PHF21B: variants seen among roughly 807,000 people sequenced by gnomAD.
The protein encoded by PHF21B is PHD finger protein 21B.
In PHF21B, 22 loss-of-function variants were observed where a neutral mutation model predicts 62.2. The ratio of observed to expected loss-of-function variants is 0.35; its 90% confidence interval spans 0.25 to 0.51. The LOEUF is 0.51. PHF21B is among the 20% of genes least tolerant of loss of function. PHF21B has a pLI of 0.97. For synonymous variants in PHF21B, 341 were observed against 314.7 expected, an observed-to-expected ratio of 1.08 and a Z score of -0.88; for missense variants, 701 against 707.9, an observed-to-expected ratio of 0.99 and a Z score of 0.11.
intron 2 of PHF21B, among the ~76,000 whole-genome samples, chr22:44,990,317 T>C (rs1237116898): frequency 6.6e-6 from 1 of 152,204 alleles, no homozygotes; most frequent in African/African-American, 2.4e-5. Flanking sequence ...TCTGCATAGA[T>C]ACCCAAATGA....
chr22:44,999,474 G>C (rs749952788), intron 2 of PHF21B, among the ~76,000 whole-genome samples: 3 of 151,996 alleles, frequency 2.0e-5, no homozygotes, highest in Non-Finnish European at 2.9e-5. Context: ...CCAGGCTCCC[G>C]GGAGATGCAG....
At chr22:44,891,836 G>A (rs2070971123) in intron 7 of PHF21B, among the ~76,000 whole-genome samples, 1 of 152,208 alleles carries the variant, frequency 6.6e-6, no homozygotes, top group African/African-American at 2.4e-5. Flanking sequence ...CAGAAGAGCG[G>A]CCTTAGTCCT....
chr22:44,883,136 A>G lies in PHF21B; in HGVS notation c.1546T>C (p.Ser516Pro), dbSNP rs776353739. The change falls in exon 13 of 13, where the codon TCA becomes CCA. Residue 516 changes from serine (S) to proline (P), a missense_variant. By Grantham distance (74) the Ser-to-Pro change is moderately conservative. Transcript: ENST00000313237. ...PLLAGPWTKP[S>P]VAATHPTVQH... ...ACGGTGGGGTGTGTGGCTGCCACTGAGGGCTTGGTCCAGGGCCCGGCCAGC... is the reference window on the plus strand; with the variant it reads ...ACGGTGGGGTGTGTGGCTGCCACTGGGGGCTTGGTCCAGGGCCCGGCCAGC... 8 of 1,612,622 alleles carry G rather than the reference A, an allele frequency of 5.0e-6. No homozygotes were observed. The highest frequency in any genetic ancestry group is 5.9e-6 in the Non-Finnish European group (7 of 1,179,896).
rs1315925503 is a variant in PHF21B, at chr22:44,913,929, G to T, written c.724C>A (p.Pro242Thr). 8 of 1,613,750 alleles carry T rather than the reference G, an allele frequency of 5.0e-6. No individual in the cohort carries two copies. The highest frequency in any genetic ancestry group is 2.2e-5 in the South Asian group (2 of 91,030). The change falls in exon 5 of 13, where the codon CCC becomes ACC. Residue 242 changes from proline to threonine, a missense_variant. Physicochemically the swap from Pro to Thr is conservative, Grantham distance 38. Coordinates refer to ENST00000313237, the MANE Select transcript of PHF21B (RefSeq NM_138415.5). ...IIIQPQVQTQ[P>T]ESTAESRPPT... is the part of the protein sequence containing the mutation. ...GGCCGCGACTCTGCCGTGCTCTCGG[G>T]CTGCGTCTGCACTTGAGGCTGAATG...
At chr22:44,960,399 C>T (rs932675824) in intron 2 of PHF21B, among the ~76,000 whole-genome samples, 1 of 152,186 alleles carries the variant, frequency 6.6e-6, no homozygotes, top group African/African-American at 2.4e-5. Flanking sequence ...CAAAGCCCCC[C>T]ACTCCTGTCC....
chr22:44,974,338 C>T (rs542977988), intron 2 of PHF21B, among the ~76,000 whole-genome samples: 1 of 151,594 alleles, frequency 6.6e-6, no homozygotes, highest in South Asian at 2.1e-4. Context: ...CACTTGAGGC[C>T]AGGAGGTTGA....
At chr22:44,946,409 AG>A (rs1202748786) in intron 2 of PHF21B, among the ~76,000 whole-genome samples, 1 of 152,142 alleles carries the variant, frequency 6.6e-6, no homozygotes, top group Non-Finnish European at 1.5e-5. Context: ...CGTAGGGAGT[AG>A]GTCATGTCTC....
At chr22:44,884,210 C>T (rs370818250) in intron 12 of PHF21B, among the ~76,000 whole-genome samples, 5,021 of 142,344 alleles carry the variant, frequency 0.035, 218 homozygotes, top group Middle Eastern at 0.066. Context: ...CGATCACCAA[C>T]GTCACCACCA....
chr22:45,006,288 C>T (rs995243862), intron 2 of PHF21B, among the ~76,000 whole-genome samples: 1 of 152,204 alleles, frequency 6.6e-6, no homozygotes, highest in African/African-American at 2.4e-5. Flanking sequence ...TGGCTGCTTA[C>T]CCAATGTTGT....
intron 9 of PHF21B, 57 bp downstream of exon 9, chr22:44,889,703 T>C: frequency 1.3e-6 from 2 of 1,559,994 alleles, no homozygotes; most frequent in Admixed American, 1.9e-5. Context: ...CTATGAGGAC[T>C]GTACTGAAAA....
At chr22:44,992,111 G>A (rs1326919720) in intron 2 of PHF21B, among the ~76,000 whole-genome samples, 1 of 152,240 alleles carries the variant, frequency 6.6e-6, no homozygotes, top group Non-Finnish European at 1.5e-5. Context: ...TGTTCTCTCA[G>A]TGCATTCTTA....
At position 44,883,063 on chromosome 22, in the gene PHF21B, G is replaced by A. The variant is rs775058732; in HGVS notation, c.*23C>T. On this transcript the variant is annotated 3_prime_UTR_variant, in exon 13 of 13. Coordinates refer to ENST00000313237, the MANE Select transcript of PHF21B (RefSeq NM_138415.5). ...GCAGGGTCCCAATAACTTTCCGTGG[G>A]TATGAAGACTGGTCCCTCGGGGTCA... 1 of 1,596,246 alleles carries A rather than the reference G, an allele frequency of 6.3e-7. No homozygotes were observed. Among genetic ancestry groups the A allele is most frequent in the East Asian group, 2.2e-5 (1 of 44,654 alleles).
intron 5 of PHF21B, among the ~76,000 whole-genome samples, chr22:44,897,658 T>C (rs561570379): frequency 6.6e-6 from 1 of 152,334 alleles, no homozygotes; most frequent in South Asian, 2.1e-4. Flanking sequence ...TTTATGGGGC[T>C]GGCTTATTTA....
At chr22:44,895,492 G>T (rs1418021619) in intron 6 of PHF21B, among the ~76,000 whole-genome samples, 1 of 152,188 alleles carries the variant, frequency 6.6e-6, no homozygotes, top group African/African-American at 2.4e-5. Flanking sequence ...CCGCAGGCTA[G>T]TATGACGGCA....
At chr22:44,923,517 T>G (rs1156745948) in intron 2 of PHF21B, among the ~76,000 whole-genome samples, 1 of 151,954 alleles carries the variant, frequency 6.6e-6, no homozygotes, top group Non-Finnish European at 1.5e-5. Flanking sequence ...TAAATTAACT[T>G]CAACAAAATA....
chr22:44,885,513 C>T lies in PHF21B; in HGVS notation c.1290G>A (p.Lys430=). The change falls in exon 12 of 13, where the codon AAG becomes AAA. Residue 430 remains lysine (K), a synonymous_variant. Transcript: ENST00000313237. ...VTHKTVKEEE[K]QKLLQRGSEL... ...CACTGCCTCGTTGCAGCAGCTTCTG[C>T]TTCTCCTCTTCTTTGACTAGAAAAG... 1.9e-6 allele frequency: 3 copies of T among 1,595,478 alleles called. No homozygotes were observed. The South Asian group carries it at 3.4e-5, about 18-fold the overall frequency.
intron 2 of PHF21B, among the ~76,000 whole-genome samples, chr22:44,931,272 C>T (rs985868529): frequency 2.0e-5 from 3 of 152,114 alleles, no homozygotes; most frequent in South Asian, 2.1e-4. Flanking sequence ...TGTCTCGCTC[C>T]GAGGCAATTC....
At chr22:44,969,048 AG>A (rs1343305462) in intron 2 of PHF21B, 2 of 152,250 alleles carry the variant, frequency 1.3e-5, no homozygotes, top group Non-Finnish European at 2.9e-5. Flanking sequence ...GCTGCACCAA[AG>A]GATACTGACA....
At chr22:44,973,288 C>T (rs1409859519) in intron 2 of PHF21B, among the ~76,000 whole-genome samples, 7 of 152,220 alleles carry the variant, frequency 4.6e-5, no homozygotes, top group African/African-American at 1.7e-4. Flanking sequence ...GTGCACTCAA[C>T]CTATGCACAT....
Sources: allele counts gnomAD v4.1 joint callset (sites outside exome capture counted in the v4.1 genomes callset), GRCh38; gene constraint gnomAD v4.1.1; transcripts MANE v1.5; gene names NCBI Gene and HGNC (gene_info 2026-07-23, HGNC 2026-07-21).